PTGFR: variants seen among roughly 807,000 people sequenced by gnomAD.
PTGFR encodes the protein prostaglandin F2-alpha receptor.
In PTGFR, 15 loss-of-function variants were observed where a neutral mutation model predicts 26.2. The observed-to-expected ratio is 0.57, with a 90% CI of 0.38 to 0.88. PTGFR has a LOEUF of 0.88. Among genes scored for constraint, PTGFR ranks in the 40% least tolerant of loss-of-function variants. PTGFR has a pLI of 0.00. For missense variants in PTGFR, 369 were observed against 427.2 expected, an observed-to-expected ratio of 0.86 and a Z score of 1.20; for synonymous variants, 165 against 151.1, an observed-to-expected ratio of 1.09 and a Z score of -0.68.
intron 2 of PTGFR, among the ~76,000 whole-genome samples, chr1:78,523,588 G>C (rs948358471): frequency 3.7e-5 from 5 of 135,014 alleles, no homozygotes; most frequent in Non-Finnish European, 8.3e-5. Context: ...GTCTGGCACA[G>C]GTAGGGTGGA....
intron 2 of PTGFR, among the ~76,000 whole-genome samples, chr1:78,517,654 G>A (rs1291729756): frequency 1.3e-5 from 2 of 152,144 alleles, no homozygotes; most frequent in Admixed American, 6.6e-5. Context: ...AGCAAGGGGA[G>A]CATAGATGAA....
intron 2 of PTGFR, among the ~76,000 whole-genome samples, chr1:78,531,755 T>C (rs1305390027): frequency 6.6e-6 from 1 of 152,144 alleles, no homozygotes; most frequent in Non-Finnish European, 1.5e-5. Flanking sequence ...TGCCTGTTTC[T>C]TCTTGTCTTC....
chr1:78,525,534 AG>A (rs1650349980), intron 2 of PTGFR, among the ~76,000 whole-genome samples: 1 of 152,088 alleles, frequency 6.6e-6, no homozygotes, highest in African/African-American at 2.4e-5. Flanking sequence ...ATCATCAACC[AG>A]GGAAGATCAT....
rs556699711 is a variant in PTGFR at position 78,539,613 on chromosome 1, T to C, written c.*2926T>C. 1 of 152,662 alleles carries C rather than the reference T, an allele frequency of 6.6e-6. No homozygotes were observed. The highest frequency in any genetic ancestry group is 2.1e-4 in the South Asian group (1 of 4,830). 9.5% of individuals were successfully genotyped at this position (152,662 alleles called of 1,614,324 possible). Reference sequence around the variant, plus strand: ...TAAATGTATGTTGTGCTCTTCATACTTGTTGGATTGTATAGAGATTAAATA... The same window carrying C: ...TAAATGTATGTTGTGCTCTTCATACCTGTTGGATTGTATAGAGATTAAATA... On this transcript the variant is annotated 3_prime_UTR_variant, in exon 3 of 3. Coordinates refer to ENST00000370757, the MANE Select transcript of PTGFR (RefSeq NM_000959.4).
intron 2 of PTGFR, among the ~76,000 whole-genome samples, chr1:78,534,643 G>A (rs1195783507): frequency 1.3e-5 from 2 of 151,636 alleles, no homozygotes; most frequent in Non-Finnish European, 2.9e-5. Context: ...GTTAACCAAC[G>A]AAAACAATGA....
chr1:78,510,829 G>A (rs532717366), intron 2 of PTGFR, among the ~76,000 whole-genome samples: 1 of 152,234 alleles, frequency 6.6e-6, no homozygotes, highest in South Asian at 2.1e-4. Flanking sequence ...AAGATACAAT[G>A]GTGGTACAAG....
At chr1:78,523,584 C>A (rs1650297857) in intron 2 of PTGFR, among the ~76,000 whole-genome samples, 1 of 128,338 alleles carries the variant, frequency 7.8e-6, no homozygotes. Context: ...GGGAGTCTGG[C>A]ACAGGTAGGG....
intron 2 of PTGFR, among the ~76,000 whole-genome samples, chr1:78,495,165 G>A (rs984785260): frequency 2.6e-5 from 4 of 152,160 alleles, no homozygotes; most frequent in African/African-American, 9.7e-5. Context: ...GGGGAGAGTG[G>A]GTCTATCAAT....
chr1:78,496,675 C>A (rs1649560670), intron 2 of PTGFR, among the ~76,000 whole-genome samples: 1 of 152,136 alleles, frequency 6.6e-6, no homozygotes, highest in African/African-American at 2.4e-5. Context: ...TTTCTAAAAT[C>A]ATTGAAATGT....
intron 2 of PTGFR, among the ~76,000 whole-genome samples, chr1:78,499,019 T>C (rs1485292148): frequency 6.6e-6 from 1 of 152,126 alleles, no homozygotes; most frequent in Non-Finnish European, 1.5e-5. Context: ...GTTAATGTAG[T>C]GTAATCGTGG....
chr1:78,501,120 A>G (rs1649694770), intron 2 of PTGFR, among the ~76,000 whole-genome samples: 1 of 152,052 alleles, frequency 6.6e-6, no homozygotes. Context: ...AAACATGTGT[A>G]TTAAATTTAT....
At chr1:78,515,847 T>G (rs575550076) in intron 2 of PTGFR, among the ~76,000 whole-genome samples, 1 of 152,296 alleles carries the variant, frequency 6.6e-6, no homozygotes, top group South Asian at 2.1e-4. Context: ...CACATACTAC[T>G]TGGAAAAGTT....
intron 2 of PTGFR, among the ~76,000 whole-genome samples, chr1:78,528,647 G>T (rs1406280243): frequency 6.6e-6 from 1 of 151,946 alleles, no homozygotes; most frequent in African/African-American, 2.4e-5. Flanking sequence ...AAAATGTATG[G>T]ATATCTTTTA....
intron 2 of PTGFR, among the ~76,000 whole-genome samples, chr1:78,531,306 T>C (rs142878041): frequency 6.4e-4 from 97 of 152,264 alleles, no homozygotes; most frequent in African/African-American, 2.3e-3. Context: ...CAGAGACGTC[T>C]CTGTTGTAGC....
chr1:78,521,901 G>C lies in PTGFR; in HGVS notation c.799-14505G>C, dbSNP rs74094524. Among the ~76,000 whole-genome samples the C allele has an allele frequency of 4.5e-3, 686 of 152,116 alleles. 3 individuals carry two copies. The highest frequency in any genetic ancestry group is 0.015 in the African/African-American group (641 of 41,510). On this transcript the variant is annotated intron_variant, in intron 2 of 2. Coordinates refer to ENST00000370757, the MANE Select transcript of PTGFR (RefSeq NM_000959.4). ...ATTAGTTTTCTATTGCTGCATAACAGAGTCCTATAACTTGGCAGCATGAAA... is the reference window on the plus strand; with the variant it reads ...ATTAGTTTTCTATTGCTGCATAACACAGTCCTATAACTTGGCAGCATGAAA...
intron 2 of PTGFR, 109 bp from the exon 3 acceptor site, chr1:78,536,297 A>G: frequency 9.6e-7 from 1 of 1,042,370 alleles, no homozygotes; most frequent in East Asian, 2.5e-5. Flanking sequence ...AAACAATAGC[A>G]TCACTCTGTG....
At chr1:78,534,858 C>G (rs1650607682) in intron 2 of PTGFR, among the ~76,000 whole-genome samples, 1 of 152,050 alleles carries the variant, frequency 6.6e-6, no homozygotes, top group South Asian at 2.1e-4. Flanking sequence ...CCTGAATTAT[C>G]AATATTATGA....
intron 2 of PTGFR, among the ~76,000 whole-genome samples, chr1:78,533,502 C>T (rs1015747302): frequency 6.6e-5 from 10 of 152,138 alleles, no homozygotes; most frequent in African/African-American, 9.7e-5. Context: ...CCCATTGTTT[C>T]CTTCTGTTCT....
chr1:78,515,406 T>C (rs1385470748), intron 2 of PTGFR, among the ~76,000 whole-genome samples: 1 of 152,176 alleles, frequency 6.6e-6, no homozygotes, highest in African/African-American at 2.4e-5. Flanking sequence ...TGAATACTGG[T>C]TAAGTAACTA....
Sources: allele counts gnomAD v4.1 joint callset (sites outside exome capture counted in the v4.1 genomes callset), GRCh38; gene constraint gnomAD v4.1.1; transcripts MANE v1.5; gene names NCBI Gene and HGNC (gene_info 2026-07-23, HGNC 2026-07-21).